The following NOP14 variants were observed in gnomAD, a reference collection of about 807,000 sequenced individuals.
NOP14 encodes the protein nucleolar protein 14.
A neutral mutation model predicts 101.6 loss-of-function variants in NOP14; 57 were observed. The ratio of observed to expected loss-of-function variants is 0.56; its 90% CI spans 0.45 to 0.70. The LOEUF (loss-of-function observed/expected upper bound fraction) is 0.70, where lower values mean the gene tolerates loss of function less well. Ranked by LOEUF, NOP14 falls within the 30% of genes least tolerant of loss-of-function variation. The pLI is 0.00. For missense variants in NOP14, 1,134 were observed against 1,075.5 expected (o/e 1.05, Z -0.76); for synonymous variants, 428 against 424.0 (o/e 1.01, Z -0.12).
At chr4:2,952,435 T>C (rs1364757806) in intron 5 of NOP14, 38 bp from the exon 6 acceptor site, 5 of 1,504,234 alleles carry the variant, frequency 3.3e-6, no homozygotes, top group Non-Finnish European at 4.5e-6. Flanking sequence ...TTTAAAAATA[T>C]ATTTATTTCT....
In NOP14 at chr4:2,939,645, C is replaced by T. The variant is rs753380885; in HGVS notation, c.2200G>A (p.Glu734Lys). The T allele has an allele frequency of 1.1e-5, 18 of 1,611,602 alleles. No homozygotes were observed. In the East Asian group the frequency reaches 2.0e-4, roughly 18 times the overall value. Reference protein sequence around the residue: ...ADCSHPQELQELCQSTLTEME... With the variant: ...ADCSHPQELQKLCQSTLTEME... Reference sequence around the variant, plus strand: ...TCGGTCAGTGTGCTCTGACACAGCTCCTGAAAAACACGAAATCCCCGACTC... The same window carrying T: ...TCGGTCAGTGTGCTCTGACACAGCTTCTGAAAAACACGAAATCCCCGACTC... Residue 734 changes from glutamate to lysine, a missense_variant and splice_region_variant, in exon 16 of 18, where the codon GAG (glutamate) becomes AAG (lysine). Coordinates refer to ENST00000416614, the MANE Select transcript of NOP14 (RefSeq NM_001291978.2).
chr4:2,943,801 C>T (rs1179565574), intron 13 of NOP14, among the ~76,000 whole-genome samples: 4 of 152,240 alleles, frequency 2.6e-5, no homozygotes, highest in African/African-American at 4.8e-5. Context: ...ACTAAGTCTT[C>T]GCCACTTGGG....
In NOP14 at chr4:2,938,942, A is replaced by G; in HGVS notation, c.2475-12T>C. ...TTCTTTCCGCATCCCTAAAAGAAAC[A>G]AAAGGCAAATGCCCATTTTTGGATT... On this transcript the variant is annotated splice_polypyrimidine_tract_variant and intron_variant, in intron 17 of 17. Transcript: ENST00000416614. 6.2e-7 allele frequency: 1 copy of G among 1,611,570 alleles called. No homozygotes were observed. Among genetic ancestry groups the G allele is most frequent in the Non-Finnish European group, 8.5e-7 (1 of 1,177,702 alleles).
rs200440250 is a variant in NOP14 at position 2,946,373 on chromosome 4, T to A, written c.1635+39A>T. 287 of 1,611,068 alleles carry A rather than the reference T, an allele frequency of 1.8e-4. 2 individuals carry two copies. In the East Asian group the frequency reaches 6.3e-3, roughly 36 times the overall value. ...ACCTTCTGTGATGCCAAACAGAACTTCTGTGGCAGGGGCAGTGCCTAGACT... is the reference window on the plus strand; with the variant it reads ...ACCTTCTGTGATGCCAAACAGAACTACTGTGGCAGGGGCAGTGCCTAGACT... On this transcript the variant is annotated intron_variant, in intron 11 of 17. Transcript: ENST00000416614.
chr4:2,944,344 AC>A, intron 12 of NOP14, 118 bp from the exon 13 acceptor site: 1 of 749,730 alleles, frequency 1.3e-6, no homozygotes, highest in South Asian at 2.1e-5. Flanking sequence ...TACAGAGGGA[AC>A]CCCCGCACCT....
rs73794828 is a variant in NOP14 at position 2,945,930 on chromosome 4, C to G, written c.1635+482G>C. ...TGCCGTGCACTCTCACTCCAGATCA[C>G]CCTCACTGCCGTGCACTCTCACTCC... On this transcript the variant is annotated intron_variant, in intron 11 of 17. Coordinates refer to ENST00000416614, the MANE Select transcript of NOP14 (RefSeq NM_001291978.2). 9.4e-3 allele frequency among the ~76,000 whole-genome samples: 1,422 copies of G among 151,228 alleles called. 12 individuals carry two copies. Among genetic ancestry groups the G allele is most frequent in the African/African-American group, 0.033 (1,364 of 41,006 alleles).
intron 1 of NOP14, among the ~76,000 whole-genome samples, chr4:2,960,755 T>TTA (rs1715715812): frequency 7.5e-6 from 1 of 133,404 alleles, no homozygotes; most frequent in Non-Finnish European, 1.6e-5. Context: ...AATATTATAA[T>TTA]CACATTAATA....
Position 2,953,534 on chromosome 4 carries a change from T to C in NOP14, c.724A>G (p.Arg242Gly). ...ACCTTGGGTTTTTCCTTTTTGTCTC[T>C]GTTCTCTGACTTGGGAGTTTTGTGG... Reference protein sequence around the residue: ...LSHKTPKSENRDKKEKPKPDA... With the variant: ...LSHKTPKSENGDKKEKPKPDA... The change falls in exon 5 of 18, where the codon AGA becomes GGA. Residue 242 changes from arginine to glycine, a missense_variant. Transcript: ENST00000416614. The C allele has an allele frequency of 6.2e-7, 1 of 1,614,244 alleles. No individual in the cohort carries two copies. The highest frequency in any genetic ancestry group is 8.5e-7 in the Non-Finnish European group (1 of 1,180,038).
chr4:2,945,134 G>T lies in NOP14; in HGVS notation c.1731C>A (p.Leu577=). The part of the protein sequence containing the change: ...TPALVCLSQL[L]TKCPILSLQD... ...GCATGTGGAGAGAACGCACCTTGGT[G>T]AGCAGCTGACTGAGGCACACGAGGG... is the stretch of plus-strand genomic sequence containing the variant. The change falls in exon 12 of 18, where the codon CTC becomes CTA. Residue 577 remains leucine, a synonymous_variant. Coordinates refer to ENST00000416614, the MANE Select transcript of NOP14 (RefSeq NM_001291978.2). The T allele has an allele frequency of 1.3e-6, 2 of 1,583,830 alleles. No individual in the cohort carries two copies. Among genetic ancestry groups the T allele is most frequent in the South Asian group, 2.3e-5 (2 of 86,646 alleles).
chr4:2,963,346 C>T lies in NOP14; in HGVS notation c.-27G>A, dbSNP rs752833223. 1.3e-6 allele frequency: 2 copies of T among 1,532,988 alleles called. No individual in the cohort carries two copies. The highest frequency in any genetic ancestry group is 2.4e-5 in the South Asian group (2 of 84,038). 95.0% of individuals were successfully genotyped at this position (1,532,988 alleles called of 1,614,324 possible). On this transcript the variant is annotated 5_prime_UTR_variant, in exon 1 of 18. Transcript: ENST00000416614. The stretch of plus-strand genomic sequence containing the variant: ...GCGCGCGCCCCGCTGCGCCCAAGGG[C>T]CCGAGACCCGAAGAGAGACAGGCGC...
chr4:2,947,118 G>T, intron 10 of NOP14: 1 of 250,866 alleles, frequency 4.0e-6, no homozygotes, highest in Non-Finnish European at 7.7e-6. Context: ...ATGCAGACAA[G>T]AGGTACACAC....
chr4:2,957,592 G>A lies in NOP14; in HGVS notation c.330+14C>T. On this transcript the variant is annotated intron_variant, in intron 2 of 17. Transcript: ENST00000416614. The stretch of plus-strand genomic sequence containing the variant: ...AATGTACAGCAAAAACCCTCCTCCA[G>A]TTTCTTTCCATACCTGCTGTTCCAG... The A allele has an allele frequency of 6.2e-7, 1 of 1,613,436 alleles. No homozygotes were observed. The highest frequency in any genetic ancestry group is 8.5e-7 in the Non-Finnish European group (1 of 1,179,764).
At chr4:2,948,145 G>A (rs1007326429) in intron 9 of NOP14, 133 bp downstream of exon 9, 7 of 1,157,264 alleles carry the variant, frequency 6.0e-6, no homozygotes, top group Non-Finnish European at 8.3e-6. Flanking sequence ...ATCATCATAG[G>A]TAACCATGTG....
Position 2,953,615 on chromosome 4 carries a change from G to C in NOP14, c.643C>G (p.Leu215Val). The change falls in exon 5 of 18, where the codon CTC (leucine) becomes GTC (valine). Residue 215 changes from leucine (L) to valine (V), a missense_variant. By Grantham distance (32) the Leu-to-Val change is conservative. Coordinates refer to ENST00000416614, the MANE Select transcript of NOP14 (RefSeq NM_001291978.2). ...TGGTCTAGCTTCTCCGTGAGCTCGA[G>C]GGCATCTTCTCGTTGAGCTTGTCTC... ...RERQAQREDA[L>V]ELTEKLDQDW... is the part of the protein sequence containing the mutation. The C allele has an allele frequency of 1.2e-6, 2 of 1,614,148 alleles. No homozygotes were observed. The highest frequency in any genetic ancestry group is 1.7e-6 in the Non-Finnish European group (2 of 1,180,028).
chr4:2,941,084 G>C (rs1714141764), intron 15 of NOP14: 1 of 157,476 alleles, frequency 6.4e-6, no homozygotes, highest in South Asian at 1.8e-4. Context: ...GTCAGGGTCA[G>C]GGTGAAAGGC....
At chr4:2,950,779 A>G (rs1063745) in intron 7 of NOP14, 94,695 of 215,916 alleles carry the variant, frequency 0.44, 22,570 homozygotes, top group African/African-American at 0.63. Context: ...TAGCTCCCTC[A>G]ATAGTATGAT....
chr4:2,943,030 T>G (rs1286429963), intron 13 of NOP14, among the ~76,000 whole-genome samples: 1 of 152,272 alleles, frequency 6.6e-6, no homozygotes, highest in African/African-American at 2.4e-5. Context: ...TGACTCCACC[T>G]GTGCCCAGCC....
chr4:2,949,028 GC>G (rs762265720), intron 8 of NOP14, among the ~76,000 whole-genome samples: 2 of 152,130 alleles, frequency 1.3e-5, no homozygotes, highest in Non-Finnish European at 2.9e-5. Context: ...TGGGTTTAGT[GC>G]CCAGACTGCT....
chr4:2,961,216 A>G (rs1474767572), intron 1 of NOP14: 57 of 1,042 alleles, frequency 0.055, 1 homozygote, highest in Middle Eastern at 0.5. Context: ...ATATATTAAT[A>G]TATTAATATT....
Sources: gnomAD v4.1 joint callset for allele counts (sites outside exome capture counted in the v4.1 genomes callset) on GRCh38, gnomAD v4.1.1 for gene constraint, MANE v1.5 for transcripts, NCBI Gene and HGNC (gene_info 2026-07-23, HGNC 2026-07-21) for gene names.